The following RYR2 variants were observed in gnomAD, a reference collection of about 807,000 sequenced individuals.
The protein encoded by RYR2 is cardiac muscle ryanodine receptor-calcium release channel.
RYR2 carries 227 observed loss-of-function variants against 601.1 expected under a neutral mutation model. The ratio of observed to expected loss-of-function variants is 0.38; its 90% CI spans 0.34 to 0.42. The LOEUF (loss-of-function observed/expected upper bound fraction) is 0.42. Among genes scored for constraint, RYR2 ranks in the 10% least tolerant of loss-of-function variants. RYR2 has a pLI of 1.00. For synonymous variants in RYR2, 2,223 were observed against 2,175.1 expected (o/e 1.02, Z -0.61); for missense variants, 4,646 against 6,156.5 (o/e 0.75, Z 8.21).
Position 237,151,903 on chromosome 1 carries a change from C to T in RYR2, c.48+109334C>T, listed in dbSNP as rs538683880. Reference sequence around the variant, plus strand: ...ATGTGCAGAATGTGCAGGTTTGTTACGTAGATAAACATGTGCCATGGGTGG... The same window carrying T: ...ATGTGCAGAATGTGCAGGTTTGTTATGTAGATAAACATGTGCCATGGGTGG... On this transcript the variant is annotated intron_variant, in intron 1 of 104. Transcript: ENST00000366574. 3.0e-3 allele frequency among the ~76,000 whole-genome samples: 451 copies of T among 152,138 alleles called. 1 individual carries two copies. The highest frequency in any genetic ancestry group is 6.8e-3 in the Middle Eastern group (2 of 294).
intron 1 of RYR2, among the ~76,000 whole-genome samples, chr1:237,121,303 G>A (rs572359306): frequency 6.6e-6 from 1 of 152,250 alleles, no homozygotes; most frequent in East Asian, 1.9e-4. Flanking sequence ...AAGGAAGAAA[G>A]CAAGTGTTTT....
intron 11 of RYR2, among the ~76,000 whole-genome samples, chr1:237,421,041 C>T (rs749904362): frequency 1.7e-4 from 26 of 152,162 alleles, no homozygotes; most frequent in Admixed American, 3.3e-4. Flanking sequence ...GAGATCGAGA[C>T]CATCCTGGCT....
intron 3 of RYR2, among the ~76,000 whole-genome samples, chr1:237,337,123 G>A (rs540226808): frequency 3.0e-4 from 46 of 151,118 alleles, no homozygotes; most frequent in Non-Finnish European, 5.9e-4. Context: ...GTGGTGACAC[G>A]TGCCTGTAAT....
chr1:237,061,469 C>T (rs539627933), intron 1 of RYR2, among the ~76,000 whole-genome samples: 1 of 152,274 alleles, frequency 6.6e-6, no homozygotes, highest in African/African-American at 2.4e-5. Flanking sequence ...AAGTGTACAA[C>T]CATGCCAGCT....
intron 66 of RYR2, among the ~76,000 whole-genome samples, chr1:237,704,845 TAA>T (rs1688243008): frequency 6.6e-6 from 1 of 152,074 alleles, no homozygotes; most frequent in Non-Finnish European, 1.5e-5. Context: ...TATTTTAACA[TAA>T]GTCATCCAAA....
intron 9 of RYR2, 98 bp downstream of exon 9, chr1:237,387,478 T>G (rs1348089403): frequency 1.9e-6 from 2 of 1,073,876 alleles, no homozygotes; most frequent in Non-Finnish European, 2.8e-6. Context: ...TTAGAGCTTT[T>G]TGTCTGTGTC....
intron 1 of RYR2, among the ~76,000 whole-genome samples, chr1:237,044,388 A>G (rs1190179466): frequency 1.3e-5 from 2 of 152,226 alleles, no homozygotes; most frequent in East Asian, 3.9e-4. Context: ...AGCCGAGCTC[A>G]TGGAGGTGGT....
At chr1:237,285,541 A>T (rs976280940) in intron 2 of RYR2, among the ~76,000 whole-genome samples, 1 of 152,146 alleles carries the variant, frequency 6.6e-6, no homozygotes, top group Non-Finnish European at 1.5e-5. Context: ...GGCTTCATAG[A>T]ATGAATTAGG....
intron 52 of RYR2, 40 bp downstream of exon 52, chr1:237,654,454 TG>T: frequency 6.2e-7 from 1 of 1,602,886 alleles, no homozygotes; most frequent in East Asian, 2.2e-5. Flanking sequence ...ATCAATAAAA[TG>T]GTATAGAGCC....
rs142558933 is a variant in RYR2, at chr1:237,516,435, A to G, written c.2822+4644A>G. On this transcript the variant is annotated intron_variant, in intron 24 of 104. Transcript: ENST00000366574. ...TGCCTGGCCAATCTTCCCAAGTTCTAAATGTTGTGAATCTTTATGTTCAGT... is the reference window on the plus strand; with the variant it reads ...TGCCTGGCCAATCTTCCCAAGTTCTGAATGTTGTGAATCTTTATGTTCAGT... Among the ~76,000 whole-genome samples, 556 of 152,206 alleles carry G rather than the reference A, an allele frequency of 3.7e-3. 4 individuals carry two copies. Among genetic ancestry groups the G allele is most frequent in the African/African-American group, 0.013 (534 of 41,526 alleles).
Position 237,625,900 on chromosome 1 carries a change from A to AT in RYR2, c.6166+98dup, listed in dbSNP as rs1275261630. 4.4e-5 allele frequency: 62 copies of AT among 1,405,802 alleles called. No individual in the cohort carries two copies. In the South Asian group the frequency reaches 5.2e-4, roughly 12 times the overall value. The allele number at this position is 1,405,802 out of a possible 1,614,324, so 87.1% of individuals were successfully genotyped here. On this transcript the variant is annotated intron_variant, in intron 40 of 104. Coordinates refer to ENST00000366574, the MANE Select transcript of RYR2 (RefSeq NM_001035.3). ...TTTTACTGGATGAGCCAGTGAGATAATTGAGTTTGCAACTTCCAAGAATCA... is the reference window on the plus strand; with the variant it reads ...TTTTACTGGATGAGCCAGTGAGATAATTTGAGTTTGCAACTTCCAAGAATCA...
At chr1:237,368,055 T>C (rs947139530) in intron 5 of RYR2, among the ~76,000 whole-genome samples, 2 of 151,134 alleles carry the variant, frequency 1.3e-5, no homozygotes, top group African/African-American at 4.9e-5. Flanking sequence ...ATGGGGAGAG[T>C]GAGTAGCTTT....
intron 29 of RYR2, among the ~76,000 whole-genome samples, chr1:237,570,291 T>C (rs1672543211): frequency 6.6e-6 from 1 of 151,968 alleles, no homozygotes; most frequent in Non-Finnish European, 1.5e-5. Context: ...CACTCCCAAT[T>C]TGGTGGCCTT....
chr1:237,291,793 G>A (rs779092305), intron 2 of RYR2, among the ~76,000 whole-genome samples: 2 of 152,266 alleles, frequency 1.3e-5, no homozygotes, highest in East Asian at 3.9e-4. Context: ...TGAGCACAGG[G>A]TATATTTAGT....
At chr1:237,348,640 G>A (rs1558662668) in intron 3 of RYR2, among the ~76,000 whole-genome samples, 3 of 152,172 alleles carry the variant, frequency 2.0e-5, no homozygotes, top group Admixed American at 1.3e-4. Context: ...TCTGGAGGAA[G>A]AAACAGAATT....
chr1:237,082,752 T>G (rs1665879571), intron 1 of RYR2, among the ~76,000 whole-genome samples: 1 of 151,872 alleles, frequency 6.6e-6, no homozygotes, highest in African/African-American at 2.4e-5. Context: ...CTGCTAGTGT[T>G]AAGATTCTTT....
intron 1 of RYR2, among the ~76,000 whole-genome samples, chr1:237,232,408 T>C (rs1685097028): frequency 6.6e-6 from 1 of 152,146 alleles, no homozygotes; most frequent in African/African-American, 2.4e-5. Context: ...TGGCTGAACA[T>C]GGGGGAGTGG....
At chr1:237,258,499 G>A (rs1269480587) in intron 1 of RYR2, among the ~76,000 whole-genome samples, 1 of 152,134 alleles carries the variant, frequency 6.6e-6, no homozygotes, top group Non-Finnish European at 1.5e-5. Context: ...ATGGGGGATG[G>A]CAAAATTTGG....
chr1:237,100,578 G>T (rs1027617011), intron 1 of RYR2, among the ~76,000 whole-genome samples: 5 of 151,986 alleles, frequency 3.3e-5, no homozygotes, highest in Non-Finnish European at 5.9e-5. Context: ...CAGAGATGGG[G>T]TTTCACCATG....
Sources: gnomAD v4.1 joint callset for allele counts (sites outside exome capture counted in the v4.1 genomes callset) on GRCh38, gnomAD v4.1.1 for gene constraint, MANE v1.5 for transcripts, NCBI Gene and HGNC (gene_info 2026-07-23, HGNC 2026-07-21) for gene names.